UBE2E2: variants seen among roughly 807,000 people sequenced by gnomAD.
UBE2E2 encodes the protein ubiquitin conjugating enzyme E2 E2.
UBE2E2 carries 6 observed loss-of-function variants against 24.7 expected under a neutral mutation model. The ratio of observed to expected loss-of-function variants is 0.24; its 90% CI spans 0.13 to 0.48. UBE2E2 has a LOEUF of 0.48. Ranked by LOEUF, UBE2E2 falls within the 20% of genes least tolerant of loss-of-function variation. The pLI is 0.99. For synonymous variants in UBE2E2, 104 were observed against 83.6 expected (o/e 1.24, Z -1.33); for missense variants, 169 against 245.0 (o/e 0.69, Z 2.07).
chr3:23,448,352 T>C (rs899924466), intron 3 of UBE2E2, among the ~76,000 whole-genome samples: 5 of 152,346 alleles, frequency 3.3e-5, no homozygotes, highest in Admixed American at 3.3e-4. Flanking sequence ...TTTGACCATA[T>C]ACTCTGGAAC....
intron 3 of UBE2E2, among the ~76,000 whole-genome samples, chr3:23,250,366 C>T (rs1337593206): frequency 6.6e-6 from 1 of 152,168 alleles, no homozygotes; most frequent in Non-Finnish European, 1.5e-5. Flanking sequence ...TTTGAGGTTT[C>T]TGAGACCAGG....
Position 23,527,346 on chromosome 3 carries a change from A to G in UBE2E2, c.361-5208A>G, listed in dbSNP as rs180901092. ...GAGATATAAAAACTTATGTTCACACAAAACACATACACAGATGTTCATAGC... is the reference window on the plus strand; with the variant it reads ...GAGATATAAAAACTTATGTTCACACGAAACACATACACAGATGTTCATAGC... On this transcript the variant is annotated intron_variant, in intron 4 of 5. Coordinates refer to ENST00000396703, the MANE Select transcript of UBE2E2 (RefSeq NM_152653.4). 8.3e-3 allele frequency among the ~76,000 whole-genome samples: 1,268 copies of G among 152,368 alleles called. 12 individuals carry two copies. The highest frequency in any genetic ancestry group is 0.02 in the Middle Eastern group (6 of 294).
At chr3:23,588,803 T>C (rs1051460127) in intron 5 of UBE2E2, among the ~76,000 whole-genome samples, 13 of 152,194 alleles carry the variant, frequency 8.5e-5, no homozygotes, top group African/African-American at 2.9e-4. Context: ...TCCATGTCAT[T>C]AACATATTAG....
At chr3:23,557,642 G>A (rs928005287) in intron 5 of UBE2E2, among the ~76,000 whole-genome samples, 1 of 152,124 alleles carries the variant, frequency 6.6e-6, no homozygotes, top group African/African-American at 2.4e-5. Context: ...GCTCTGTCAG[G>A]AATATTATTT....
chr3:23,328,261 G>T (rs574993743), intron 3 of UBE2E2, among the ~76,000 whole-genome samples: 2 of 152,262 alleles, frequency 1.3e-5, no homozygotes, highest in East Asian at 3.9e-4. Context: ...TTCTATCTCT[G>T]TGTCATCTTT....
chr3:23,401,123 C>G (rs1347378456), intron 3 of UBE2E2, among the ~76,000 whole-genome samples: 1 of 152,140 alleles, frequency 6.6e-6, no homozygotes, highest in Non-Finnish European at 1.5e-5. Context: ...CATCATGTTA[C>G]TGTCTCTGGG....
In UBE2E2 at chr3:23,280,084, T is replaced by C. The variant is rs1222305923; in HGVS notation, c.227+62772T>C. Among the ~76,000 whole-genome samples the C allele has an allele frequency of 6.6e-6, 1 of 152,210 alleles. No homozygotes were observed. The highest frequency in any genetic ancestry group is 1.5e-5 in the Non-Finnish European group (1 of 68,032). ...GGGAGAGAAAACACATTTGACTTAT[T>C]ACCACGGTAAGGTTCAAATTACTGA... On this transcript the variant is annotated intron_variant, in intron 3 of 5. Transcript: ENST00000396703. This position sits in a 1 kb window ranked among gnomAD's most constrained non-coding sequence, Gnocchi z 4.3.
chr3:23,354,985 T>C (rs1695897694), intron 3 of UBE2E2, among the ~76,000 whole-genome samples: 1 of 151,826 alleles, frequency 6.6e-6, no homozygotes, highest in South Asian at 2.1e-4. Flanking sequence ...AACCCAAATG[T>C]CCAACAACGA....
At chr3:23,571,631 G>A (rs939616450) in intron 5 of UBE2E2, among the ~76,000 whole-genome samples, 3 of 151,988 alleles carry the variant, frequency 2.0e-5, no homozygotes, top group Admixed American at 6.6e-5. Context: ...AGCAAGGATC[G>A]TACAGACCGC....
chr3:23,318,879 T>C (rs1694661754), intron 3 of UBE2E2, among the ~76,000 whole-genome samples: 1 of 152,212 alleles, frequency 6.6e-6, no homozygotes, highest in African/African-American at 2.4e-5. Flanking sequence ...TGGAAATATA[T>C]CTGTGTAAAT....
chr3:23,558,469 T>A (rs1204303705), intron 5 of UBE2E2, among the ~76,000 whole-genome samples: 2 of 152,328 alleles, frequency 1.3e-5, no homozygotes, highest in Middle Eastern at 3.4e-3. Flanking sequence ...GCAAATCTGG[T>A]AAATGAATTC....
At chr3:23,299,448 G>A (rs1232610807) in intron 3 of UBE2E2, among the ~76,000 whole-genome samples, 1 of 151,918 alleles carries the variant, frequency 6.6e-6, no homozygotes, top group Non-Finnish European at 1.5e-5. Context: ...TCTACACACT[G>A]CTTTGAATGT....
At chr3:23,342,473 C>G (rs1695421952) in intron 3 of UBE2E2, among the ~76,000 whole-genome samples, 1 of 152,170 alleles carries the variant, frequency 6.6e-6, no homozygotes, top group Non-Finnish European at 1.5e-5. Context: ...AAAATGTTCT[C>G]TTCCGTGCTT....
chr3:23,502,626 T>C (rs1326224150), intron 4 of UBE2E2, among the ~76,000 whole-genome samples: 2 of 152,174 alleles, frequency 1.3e-5, no homozygotes, highest in Admixed American at 6.5e-5. Context: ...TTTTTTAAAA[T>C]CAGAGATGAG....
chr3:23,280,730 C>G lies in UBE2E2; in HGVS notation c.227+63418C>G, dbSNP rs1698474265. On this transcript the variant is annotated intron_variant, in intron 3 of 5. Coordinates refer to ENST00000396703, the MANE Select transcript of UBE2E2 (RefSeq NM_152653.4). The surrounding 1 kb of genome is among the most constrained non-coding windows in gnomAD (Gnocchi z 4.3). Reference sequence around the variant, plus strand: ...TATTTATTGACTAAAGGAATGAGTACTGGAGACTAGCCTCTATGTTTCTTA... The same window carrying G: ...TATTTATTGACTAAAGGAATGAGTAGTGGAGACTAGCCTCTATGTTTCTTA... Among the ~76,000 whole-genome samples the G allele has an allele frequency of 6.6e-6, 1 of 152,232 alleles. No homozygotes were observed. Among genetic ancestry groups the G allele is most frequent in the South Asian group, 2.1e-4 (1 of 4,828 alleles).
chr3:23,249,138 GC>G (rs1697502132), intron 3 of UBE2E2, among the ~76,000 whole-genome samples: 1 of 152,000 alleles, frequency 6.6e-6, no homozygotes, highest in Non-Finnish European at 1.5e-5. Flanking sequence ...GGGCATGGTG[GC>G]ACACACCTGT....
intron 3 of UBE2E2, among the ~76,000 whole-genome samples, chr3:23,493,877 G>A (rs765894653): frequency 3.9e-5 from 6 of 152,090 alleles, no homozygotes; most frequent in Admixed American, 1.3e-4. Flanking sequence ...CATCTGCAGC[G>A]TGTAACAGCA....
intron 4 of UBE2E2, among the ~76,000 whole-genome samples, chr3:23,500,034 G>A (rs1699687475): frequency 6.6e-6 from 1 of 151,968 alleles, no homozygotes; most frequent in Non-Finnish European, 1.5e-5. Flanking sequence ...GGTGAAAATG[G>A]GGGCATAAGG....
intron 3 of UBE2E2, among the ~76,000 whole-genome samples, chr3:23,415,124 T>C (rs1697590447): frequency 6.6e-6 from 1 of 152,228 alleles, no homozygotes; most frequent in African/African-American, 2.4e-5. Flanking sequence ...ATTTTGAATG[T>C]CCTTTACTTC....
Sources: allele counts gnomAD v4.1 joint callset (sites outside exome capture counted in the v4.1 genomes callset), GRCh38; gene constraint gnomAD v4.1.1; non-coding constraint Gnocchi (gnomAD v3.1); transcripts MANE v1.5; gene names NCBI Gene and HGNC (gene_info 2026-07-23, HGNC 2026-07-21).